The following PCDHA7 variants were observed in gnomAD, a reference collection of about 807,000 sequenced individuals.
The protein encoded by PCDHA7 is protocadherin alpha-7.
In PCDHA7, 37 loss-of-function variants were observed where a neutral mutation model predicts 57.2. The ratio of observed to expected loss-of-function variants is 0.65; its 90% CI spans 0.50 to 0.85. PCDHA7 has a LOEUF of 0.85. PCDHA7 is among the 40% of genes least tolerant of loss of function. The probability of loss-of-function intolerance (pLI) is 0.00; values close to 1 mark genes in which losing one functional copy is unlikely to be tolerated. For missense variants in PCDHA7, 1,188 were observed against 1,241.8 expected (o/e 0.96, Z 0.65); for synonymous variants, 553 against 558.8 (o/e 0.99, Z 0.15).
chr5:140,885,945 TA>T (rs2060787135), intron 1 of PCDHA7, among the ~76,000 whole-genome samples: 1 of 152,206 alleles, frequency 6.6e-6, no homozygotes, highest in Non-Finnish European at 1.5e-5. Flanking sequence ...TTGACATTTT[TA>T]ATTAAAATTT....
At chr5:140,924,670 C>A (rs2081947196) in intron 1 of PCDHA7, among the ~76,000 whole-genome samples, 1 of 151,926 alleles carries the variant, frequency 6.6e-6, no homozygotes, top group African/African-American at 2.4e-5. Flanking sequence ...CGAGGCAGGC[C>A]AATCACTTGA....
chr5:140,883,691 T>C (rs2059755439), intron 1 of PCDHA7: 2 of 1,613,592 alleles, frequency 1.2e-6, no homozygotes, highest in African/African-American at 2.7e-5. Flanking sequence ...CTGCCACATC[T>C]TCACGGTGTC....
At position 140,978,807 on chromosome 5, in the gene PCDHA7, A is replaced by G. The variant is rs1489269679; in HGVS notation, c.2356-142A>G. 3.3e-6 allele frequency: 5 copies of G among 1,494,726 alleles called. No individual in the cohort carries two copies. In the African/African-American group the frequency reaches 4.2e-5, roughly 12 times the overall value. The allele number at this position is 1,494,726 out of a possible 1,614,324, so 92.6% of individuals were successfully genotyped here. A position where few individuals can be genotyped will look rare whatever the true frequency, so the allele number is the denominator to read the frequency against. ...AAGTGCTATATATGTAGATATCATC[A>G]TAGAGTTACACATGAAATGGCTCAT... On this transcript the variant is annotated intron_variant, in intron 1 of 3. Coordinates refer to ENST00000525929, the MANE Select transcript of PCDHA7 (RefSeq NM_018910.3).
In PCDHA7 at chr5:140,896,536, C is replaced by CTTT. The variant is rs34213614; in HGVS notation, c.2355+59808_2355+59810dup. 9.4e-4 allele frequency among the ~76,000 whole-genome samples: 137 copies of CTTT among 145,660 alleles called. 1 individual carries two copies. Among genetic ancestry groups the CTTT allele is most frequent in the East Asian group, 2.8e-3 (14 of 5,008 alleles). On this transcript the variant is annotated intron_variant, in intron 1 of 3. Coordinates refer to ENST00000525929, the MANE Select transcript of PCDHA7 (RefSeq NM_018910.3). ...CACACCACAAAGCCCAGCTATTTTT[C>CTTT]TTTTTTTTTTTTGTATTTTAAGTAG... is the stretch of plus-strand genomic sequence containing the variant.
chr5:140,927,942 T>C, intron 1 of PCDHA7: 1 of 1,614,226 alleles, frequency 6.2e-7, no homozygotes, highest in Non-Finnish European at 8.5e-7. Flanking sequence ...ACCCAGTACC[T>C]GAGGACGCTG....
At chr5:140,862,065 G>T (rs2047192939) in intron 1 of PCDHA7, 1 of 155,768 alleles carries the variant, frequency 6.4e-6, no homozygotes, top group African/African-American at 2.4e-5. Flanking sequence ...TGCAACTGAT[G>T]TCTCCCCTAA....
intron 1 of PCDHA7, chr5:140,843,028 G>T: frequency 6.3e-7 from 1 of 1,595,268 alleles, no homozygotes; most frequent in Non-Finnish European, 8.6e-7. Context: ...TGGAGCCTCG[G>T]GTGGGTGGCA....
chr5:140,898,673 G>A (rs1378652105), intron 1 of PCDHA7, among the ~76,000 whole-genome samples: 1 of 152,170 alleles, frequency 6.6e-6, no homozygotes, highest in Non-Finnish European at 1.5e-5. Flanking sequence ...GGTGTTGCGG[G>A]CTGTTTTTTG....
intron 2 of PCDHA7, among the ~76,000 whole-genome samples, chr5:140,981,165 T>C (rs1411910974): frequency 6.6e-6 from 1 of 152,250 alleles, no homozygotes; most frequent in Non-Finnish European, 1.5e-5. Flanking sequence ...ATATGTTGCC[T>C]TCCCTCTAAT....
At chr5:140,837,655 T>C (rs1323533582) in intron 1 of PCDHA7, among the ~76,000 whole-genome samples, 3 of 151,204 alleles carry the variant, frequency 2.0e-5, no homozygotes, top group Non-Finnish European at 4.4e-5. Context: ...CTTTCTTCCT[T>C]TTTCTTTCAT....
intron 1 of PCDHA7, among the ~76,000 whole-genome samples, chr5:140,923,528 C>CA (rs1240707958): frequency 2.0e-5 from 3 of 151,622 alleles, no homozygotes; most frequent in Non-Finnish European, 4.4e-5. Context: ...GATTCTGTCC[C>CA]AAAAAAAGGA....
intron 1 of PCDHA7, chr5:140,869,808 C>A: frequency 6.2e-7 from 1 of 1,612,402 alleles, no homozygotes; most frequent in South Asian, 1.1e-5. Context: ...TCTTGGATGT[C>A]AACGACAATG....
At chr5:140,876,473 G>C in intron 1 of PCDHA7, 7 of 1,614,038 alleles carry the variant, frequency 4.3e-6, no homozygotes, top group African/African-American at 2.7e-5. Flanking sequence ...GCAGGTCACA[G>C]CATGGTCCTG....
intron 1 of PCDHA7, among the ~76,000 whole-genome samples, chr5:140,976,809 T>C (rs1563451400): frequency 6.6e-6 from 1 of 152,220 alleles, no homozygotes; most frequent in Non-Finnish European, 1.5e-5. Flanking sequence ...TATCTGAAGA[T>C]ATGCATGTGT....
rs143469399 is a variant in PCDHA7 at position 140,850,397 on chromosome 5, G to T, written c.2355+13659G>T. On this transcript the variant is annotated intron_variant, in intron 1 of 3. Transcript: ENST00000525929. ...TGTACACGGGCGAGATCAGCACAAC[G>T]CGTGCCCTGGACGAAACGGACGCAC... 3.1e-6 allele frequency: 5 copies of T among 1,597,958 alleles called. No homozygotes were observed. The Admixed American group carries it at 6.8e-5, about 22-fold the overall frequency.
intron 1 of PCDHA7, among the ~76,000 whole-genome samples, chr5:140,899,481 G>T (rs2153464125): frequency 6.6e-6 from 1 of 152,230 alleles, no homozygotes; most frequent in East Asian, 1.9e-4. Flanking sequence ...CTGTTTATAT[G>T]CTGGATTACA....
chr5:140,977,324 C>T (rs1035502087), intron 1 of PCDHA7, among the ~76,000 whole-genome samples: 5 of 152,102 alleles, frequency 3.3e-5, no homozygotes, highest in Non-Finnish European at 4.4e-5. Context: ...CTCCTGATGG[C>T]GAGGGGAGAG....
chr5:140,836,948 A>G (rs1050611194), intron 1 of PCDHA7: 2 of 442,648 alleles, frequency 4.5e-6, no homozygotes, highest in Non-Finnish European at 7.8e-6. Flanking sequence ...ATCAAAATCT[A>G]TGGTTTATGT....
chr5:140,837,972 C>A (rs929090739), intron 1 of PCDHA7, among the ~76,000 whole-genome samples: 3 of 151,768 alleles, frequency 2.0e-5, no homozygotes, highest in Admixed American at 2.0e-4. Flanking sequence ...AACAACCACA[C>A]CCAGCCTGCC....
Sources: gnomAD v4.1 joint callset for allele counts (sites outside exome capture counted in the v4.1 genomes callset) on GRCh38, gnomAD v4.1.1 for gene constraint, MANE v1.5 for transcripts, NCBI Gene and HGNC (gene_info 2026-07-23, HGNC 2026-07-21) for gene names.